Variants in VPS53 observed in about 807,000 individuals in gnomAD.
VPS53 encodes VPS53 subunit of GARP complex, also known as vacuolar protein sorting-associated protein 53 homolog.
A neutral mutation model predicts 107.0 loss-of-function variants in VPS53; 70 were observed. The observed-to-expected ratio is 0.65, with a 90% CI of 0.54 to 0.80. The LOEUF (loss-of-function observed/expected upper bound fraction) is 0.80. Among genes scored for constraint, VPS53 ranks in the 30% least tolerant of loss-of-function variants. The pLI, the probability that VPS53 is intolerant of heterozygous loss-of-function variation, is 0.00. For synonymous variants in VPS53, 409 were observed against 393.3 expected, an observed-to-expected ratio of 1.04 and a Z score of -0.47; for missense variants, 917 against 1,049.4, an observed-to-expected ratio of 0.87 and a Z score of 1.74.
At chr17:713,250 G>A (rs996006101) in intron 1 of VPS53, among the ~76,000 whole-genome samples, 1 of 152,004 alleles carries the variant, frequency 6.6e-6, no homozygotes, top group Non-Finnish European at 1.5e-5. Context: ...TAATGGAATT[G>A]TCCATTTCCT....
At chr17:543,333 C>T (rs72477029) in intron 17 of VPS53, among the ~76,000 whole-genome samples, 3,610 of 152,260 alleles carry the variant, frequency 0.024, 50 homozygotes, top group East Asian at 0.068. Context: ...GGGATTATAA[C>T]GCAGCCTCCT....
intron 8 of VPS53, 131 bp from the exon 9 acceptor site, chr17:628,362 G>T: frequency 9.1e-7 from 1 of 1,103,824 alleles, no homozygotes; most frequent in Non-Finnish European, 1.3e-6. Context: ...CATTCTTTCT[G>T]CTGTGGCTGG....
chr17:525,996 C>CAAAAAAAAAA (rs10677094), intron 19 of VPS53, among the ~76,000 whole-genome samples: 1 of 74,686 alleles, frequency 1.3e-5, no homozygotes, highest in Non-Finnish European at 2.5e-5. Flanking sequence ...GACATTTTCT[C>CAAAAAAAAAA]AAAAAAAAAA....
chr17:660,938 A>T (rs1325475118), intron 5 of VPS53, among the ~76,000 whole-genome samples: 1 of 152,112 alleles, frequency 6.6e-6, no homozygotes, highest in South Asian at 2.1e-4. Flanking sequence ...CCCATGGAGG[A>T]GGAGAAGGTG....
At chr17:567,887 G>A (rs574727279) in intron 13 of VPS53, among the ~76,000 whole-genome samples, 30 of 146,652 alleles carry the variant, frequency 2.0e-4, no homozygotes, top group African/African-American at 7.2e-4. Flanking sequence ...AGACATTGTC[G>A]AAGGGGAGGG....
intron 5 of VPS53, 70 bp downstream of exon 5, chr17:661,739 T>C (rs1971446288): frequency 1.4e-6 from 2 of 1,440,110 alleles, no homozygotes; most frequent in East Asian, 5.0e-5. Flanking sequence ...AAGCTCATTA[T>C]TAGAATGCCT....
At chr17:578,942 A>G (rs1914910265) in intron 13 of VPS53, among the ~76,000 whole-genome samples, 1 of 150,044 alleles carries the variant, frequency 6.7e-6, no homozygotes, top group Admixed American at 6.6e-5. Flanking sequence ...TCAGAACCTA[A>G]GGCGTTCCCA....
At position 509,659 on chromosome 17, in the gene VPS53, T is replaced by C. The variant is rs61248775; in HGVS notation, c.*9469A>G. ...CCCTCACTGGTCACGTATCGCATCCTGGCTCGCCCCTCACTGGTCACGTAT... is the reference window on the plus strand; with the variant it reads ...CCCTCACTGGTCACGTATCGCATCCCGGCTCGCCCCTCACTGGTCACGTAT... On this transcript the variant is annotated 3_prime_UTR_variant, in exon 22 of 22. Coordinates refer to ENST00000437048, the MANE Select transcript of VPS53 (RefSeq NM_001128159.3). 20,703 of 166,266 alleles carry C rather than the reference T, an allele frequency of 0.12. 3,533 individuals carry two copies. Among genetic ancestry groups the C allele is most frequent in the African/African-American group, 0.41 (15,527 of 38,188 alleles). 10.3% of individuals were successfully genotyped at this position (166,266 alleles called of 1,614,324 possible).
intron 19 of VPS53, among the ~76,000 whole-genome samples, chr17:531,126 G>A (rs985826220): frequency 6.6e-6 from 1 of 152,204 alleles, no homozygotes; most frequent in African/African-American, 2.4e-5. Flanking sequence ...GAGTGAACAC[G>A]CCTGCAGCTA....
intron 4 of VPS53, among the ~76,000 whole-genome samples, chr17:681,766 C>G (rs1403695305): frequency 6.6e-6 from 1 of 152,310 alleles, no homozygotes; most frequent in Non-Finnish European, 1.5e-5. Flanking sequence ...ACCAGGAGAT[C>G]TGGTGCCCAG....
At chr17:568,529 G>A (rs985546921) in intron 13 of VPS53, among the ~76,000 whole-genome samples, 2 of 152,102 alleles carry the variant, frequency 1.3e-5, no homozygotes, top group African/African-American at 2.4e-5. Flanking sequence ...TTACAGGCAC[G>A]AGCAACCATG....
At chr17:690,836 A>G (rs551406970) in intron 4 of VPS53, among the ~76,000 whole-genome samples, 1 of 152,362 alleles carries the variant, frequency 6.6e-6, no homozygotes, top group African/African-American at 2.4e-5. Flanking sequence ...GGTGGCCCTT[A>G]AGTTTTGAAG....
intron 13 of VPS53, among the ~76,000 whole-genome samples, chr17:566,983 T>C (rs1262917256): frequency 6.6e-6 from 1 of 152,048 alleles, no homozygotes; most frequent in Non-Finnish European, 1.5e-5. Flanking sequence ...CCTGACCTAG[T>C]GATCGCCCGC....
At chr17:678,650 A>T (rs34699431) in intron 4 of VPS53, among the ~76,000 whole-genome samples, 53,811 of 144,284 alleles carry the variant, frequency 0.37, 10,202 homozygotes, top group Non-Finnish European at 0.42. Flanking sequence ...ATATATATAT[A>T]TTTTTTTGAG....
chr17:660,918 C>G (rs895223315), intron 5 of VPS53, among the ~76,000 whole-genome samples: 1 of 152,160 alleles, frequency 6.6e-6, no homozygotes, highest in African/African-American at 2.4e-5. Context: ...TCCAGCACTT[C>G]CCAGCGCCTC....
rs749663837 is a variant in VPS53 at position 562,721 on chromosome 17, C to G, written c.1338G>C (p.Arg446=). Residue 446 remains arginine, a synonymous_variant, in exon 14 of 22, where the codon CGG becomes CGC. Coordinates refer to ENST00000437048, the MANE Select transcript of VPS53 (RefSeq NM_001128159.3). ...QDKNLGELID[R]FVADFKAQGP... is the part of the protein sequence containing the mutation. ...CCTGGGCTTTGAAATCAGCCACAAACCGATCTATCAGCTCTCCGAGGTTCC... is the reference window on the plus strand; with the variant it reads ...CCTGGGCTTTGAAATCAGCCACAAAGCGATCTATCAGCTCTCCGAGGTTCC... 1 of 1,613,164 alleles carries G rather than the reference C, an allele frequency of 6.2e-7. No homozygotes were observed. The highest frequency in any genetic ancestry group is 2.2e-5 in the East Asian group (1 of 44,852).
intron 18 of VPS53, chr17:533,120 C>T (rs950537239): frequency 1.2e-5 from 9 of 764,500 alleles, no homozygotes; most frequent in Admixed American, 6.1e-5. Flanking sequence ...CCGGGAAAAC[C>T]GGATCCCATC....
At position 643,236 on chromosome 17, in the gene VPS53, G is replaced by A. The variant is rs376505510; in HGVS notation, c.608+10055C>T. Among the ~76,000 whole-genome samples, 103 of 22,364 alleles carry A rather than the reference G, an allele frequency of 4.6e-3. 3 individuals are homozygous for A. The highest frequency in any genetic ancestry group is 0.024 in the South Asian group (6 of 252). 14.7% of individuals were successfully genotyped at this position (22,364 alleles called of 152,430 possible). On this transcript the variant is annotated intron_variant, in intron 7 of 21. Transcript: ENST00000437048. ...AGGACAACACTCATACTTGGAAACC[G>A]AGGACAACACTCATACTTGGAAAGT...
rs1912832460 is a variant in VPS53 at position 560,410 on chromosome 17, A to T, written c.1704+16T>A. ...CAGGAAAAGGAGGTGGTGAGTGGGC[A>T]GCCAGGATGGCTCACCTGCTGGGTG... On this transcript the variant is annotated intron_variant, in intron 15 of 21. Transcript: ENST00000437048. The T allele has an allele frequency of 6.2e-7, 1 of 1,605,564 alleles. No homozygotes were observed. Among genetic ancestry groups the T allele is most frequent in the South Asian group, 1.1e-5 (1 of 90,528 alleles).
Sources: allele counts gnomAD v4.1 joint callset (sites outside exome capture counted in the v4.1 genomes callset), GRCh38; gene constraint gnomAD v4.1.1; transcripts MANE v1.5; gene names NCBI Gene and HGNC (gene_info 2026-07-23, HGNC 2026-07-21).